Variants in KIAA1328 observed in about 807,000 individuals in gnomAD.
KIAA1328 encodes the protein KIAA1328.
Under a neutral mutation model 68.1 loss-of-function variants are expected in KIAA1328, and 52 were observed. The ratio of observed to expected loss-of-function variants is 0.76; its 90% confidence interval spans 0.61 to 0.96. The LOEUF is 0.96. KIAA1328 is among the 40% of genes least tolerant of loss of function. The pLI is 0.00. For synonymous variants in KIAA1328, 232 were observed against 239.4 expected, an observed-to-expected ratio of 0.97 and a Z score of 0.28; for missense variants, 641 against 677.6, an observed-to-expected ratio of 0.95 and a Z score of 0.60.
intron 8 of KIAA1328, among the ~76,000 whole-genome samples, chr18:37,162,568 T>C (rs1450892126): frequency 6.6e-6 from 1 of 152,206 alleles, no homozygotes; most frequent in Non-Finnish European, 1.5e-5. Flanking sequence ...AAATGGGAGA[T>C]ATAAACTTTC....
chr18:36,923,858 A>T (rs958143766), intron 5 of KIAA1328: 7 of 152,206 alleles, frequency 4.6e-5, no homozygotes, highest in South Asian at 2.1e-4. Flanking sequence ...CACATCAACA[A>T]AGTTCTACTG....
chr18:37,017,844 A>G (rs930025890), intron 6 of KIAA1328, among the ~76,000 whole-genome samples: 1 of 152,056 alleles, frequency 6.6e-6, no homozygotes, highest in Non-Finnish European at 1.5e-5. Context: ...CTTTGATCCT[A>G]TCAGTATCAT....
intron 7 of KIAA1328, among the ~76,000 whole-genome samples, chr18:37,100,719 C>T (rs1293986464): frequency 6.6e-6 from 1 of 152,248 alleles, no homozygotes; most frequent in East Asian, 1.9e-4. Context: ...AACAGACTGC[C>T]TCCTCAAGTG....
At chr18:36,846,271 TAAG>T (rs1356659860) in intron 4 of KIAA1328, among the ~76,000 whole-genome samples, 1 of 151,630 alleles carries the variant, frequency 6.6e-6, no homozygotes, top group Non-Finnish European at 1.5e-5. Flanking sequence ...TTGAAATAGT[TAAG>T]TATACTTACG....
At chr18:37,022,908 C>T (rs915071810) in intron 6 of KIAA1328, among the ~76,000 whole-genome samples, 1 of 152,114 alleles carries the variant, frequency 6.6e-6, no homozygotes, top group Non-Finnish European at 1.5e-5. Context: ...TCCTTAGTCC[C>T]TCAGGAAAAT....
chr18:37,206,752 A>G (rs2060223574), intron 9 of KIAA1328, among the ~76,000 whole-genome samples: 1 of 152,220 alleles, frequency 6.6e-6, no homozygotes, highest in African/African-American at 2.4e-5. Context: ...TTCACCCAAT[A>G]AAGCTGGTGT....
intron 9 of KIAA1328, among the ~76,000 whole-genome samples, chr18:37,183,455 A>C (rs1426969481): frequency 2.0e-5 from 3 of 152,186 alleles, no homozygotes; most frequent in Non-Finnish European, 4.4e-5. Context: ...CTTTGTCTAA[A>C]GACACATATT....
At chr18:37,029,012 C>T (rs2054711005) in intron 6 of KIAA1328, among the ~76,000 whole-genome samples, 1 of 152,040 alleles carries the variant, frequency 6.6e-6, no homozygotes, top group Non-Finnish European at 1.5e-5. Context: ...ATTTTGGCGT[C>T]AGAATTATAT....
Position 37,060,152 on chromosome 18 carries a change from TATAATA to T in KIAA1328, c.577-6721_577-6716del, listed in dbSNP as rs374541131. 6.0e-5 allele frequency among the ~76,000 whole-genome samples: 9 copies of T among 151,160 alleles called. No homozygotes were observed. The South Asian group carries it at 1.5e-3, about 25-fold the overall frequency. ...TGCACATGTATCCCAGAACTTAAAG[TATAATA>T]ATAATAATAATAATAAATAGCCTAT... On this transcript the variant is annotated intron_variant, in intron 6 of 9. Coordinates refer to ENST00000280020, the MANE Select transcript of KIAA1328 (RefSeq NM_020776.3).
At chr18:37,026,143 G>A (rs978136719) in intron 6 of KIAA1328, among the ~76,000 whole-genome samples, 8 of 152,164 alleles carry the variant, frequency 5.3e-5, no homozygotes, top group African/African-American at 9.6e-5. Context: ...TAAATTTCTC[G>A]ACACATACAC....
chr18:37,044,602 C>G (rs2055388942), intron 6 of KIAA1328, among the ~76,000 whole-genome samples: 1 of 151,848 alleles, frequency 6.6e-6, no homozygotes, highest in African/African-American at 2.4e-5. Context: ...TCAAGACCAG[C>G]CTGGCCAAGA....
At chr18:37,098,142 G>A (rs1290788824) in intron 7 of KIAA1328, among the ~76,000 whole-genome samples, 1 of 152,176 alleles carries the variant, frequency 6.6e-6, no homozygotes, top group African/African-American at 2.4e-5. Flanking sequence ...GGGCATCCCT[G>A]TCTTGTGCCA....
intron 6 of KIAA1328, among the ~76,000 whole-genome samples, chr18:37,007,634 G>A (rs2053829852): frequency 6.6e-6 from 1 of 152,182 alleles, no homozygotes; most frequent in African/African-American, 2.4e-5. Context: ...GAGCCAATCT[G>A]ATGAGAAATA....
chr18:36,937,212 A>C (rs915111994), intron 5 of KIAA1328, among the ~76,000 whole-genome samples: 4 of 152,252 alleles, frequency 2.6e-5, no homozygotes, highest in Non-Finnish European at 2.9e-5. Context: ...AATTAACTCA[A>C]GATGGATTAA....
intron 6 of KIAA1328, among the ~76,000 whole-genome samples, chr18:36,972,218 C>A (rs540519454): frequency 6.6e-6 from 1 of 152,068 alleles, no homozygotes; most frequent in African/African-American, 2.4e-5. Context: ...TGAACACATG[C>A]GAAAAGAAAT....
At chr18:37,174,982 T>G (rs1249950838) in intron 9 of KIAA1328, among the ~76,000 whole-genome samples, 1 of 152,208 alleles carries the variant, frequency 6.6e-6, no homozygotes. Flanking sequence ...CTTTCTTTTA[T>G]TTTTAATGCT....
intron 7 of KIAA1328, among the ~76,000 whole-genome samples, chr18:37,105,942 AAAAGAATTATAGTATAAAAGGT>A (rs1599288650): frequency 6.8e-6 from 1 of 147,298 alleles, no homozygotes; most frequent in East Asian, 1.9e-4. Flanking sequence ...AAAAAAAAAA[AAAAGAATTATAGTATAAAAGGT>A]ATTTTTTAAA....
At chr18:36,853,620 A>G (rs1277239784) in intron 4 of KIAA1328, among the ~76,000 whole-genome samples, 1 of 151,962 alleles carries the variant, frequency 6.6e-6, no homozygotes, top group Non-Finnish European at 1.5e-5. Flanking sequence ...TGTTATTGTC[A>G]TTAGTTACAT....
chr18:37,106,116 C>G (rs1181241202), intron 7 of KIAA1328, among the ~76,000 whole-genome samples: 1 of 151,710 alleles, frequency 6.6e-6, no homozygotes, highest in Admixed American at 6.6e-5. Flanking sequence ...TGGAAACACC[C>G]AAAATGTCCA....
Sources: gnomAD v4.1 joint callset for allele counts (sites outside exome capture counted in the v4.1 genomes callset) on GRCh38, gnomAD v4.1.1 for gene constraint, MANE v1.5 for transcripts, NCBI Gene and HGNC (gene_info 2026-07-23, HGNC 2026-07-21) for gene names.